PCYT1B: variants seen among roughly 807,000 people sequenced by gnomAD.
The protein encoded by PCYT1B is choline-phosphate cytidylyltransferase B.
A neutral mutation model predicts 26.4 loss-of-function variants in PCYT1B; 10 were observed. The ratio of observed to expected loss-of-function variants is 0.38; its 90% CI spans 0.23 to 0.64. The LOEUF is 0.64. PCYT1B is among the 30% of genes least tolerant of loss of function. The pLI is 0.56. For synonymous variants in PCYT1B, 131 were observed against 108.4 expected (o/e 1.21, Z -1.29); for missense variants, 161 against 292.7 (o/e 0.55, Z 3.28).
At chrX:24,668,568 T>C (rs768932522) in intron 1 of PCYT1B, among the ~76,000 whole-genome samples, 1 of 111,045 alleles carries the variant, frequency 9.0e-6, no homozygotes, top group South Asian at 3.8e-4. Flanking sequence ...GGAGTACCTT[T>C]TCCAGGGAAT....
At chrX:24,573,826 C>T (rs184623103) in intron 7 of PCYT1B, among the ~76,000 whole-genome samples, 85 of 110,808 alleles carry the variant, frequency 7.7e-4, no homozygotes, top group Non-Finnish European at 1.3e-3. Flanking sequence ...AAAAGGAGCC[C>T]AGCCCTTGGC....
upstream of PCYT1B, among the ~76,000 whole-genome samples, chrX:24,651,454 C>CAAAAAAAAA (rs1188690484): frequency 9.0e-5 from 1 of 11,068 alleles, no homozygotes; most frequent in Non-Finnish European, 1.8e-4. Flanking sequence ...GATGCCATCT[C>CAAAAAAAAA]AAAAAAAAAA....
chrX:24,558,709 G>A lies in PCYT1B; in HGVS notation c.*3584C>T, dbSNP rs1215816572. 2.8e-5 allele frequency: 3 copies of A among 108,006 alleles called. No individual in the cohort carries two copies. Among genetic ancestry groups the A allele is most frequent in the African/African-American group, 1.0e-4 (3 of 29,578 alleles). The allele number at this position is 108,006 out of a possible 1,213,427, so 8.9% of individuals were successfully genotyped here. On this transcript the variant is annotated 3_prime_UTR_variant, in exon 8 of 8. Coordinates refer to ENST00000379144, the MANE Select transcript of PCYT1B (RefSeq NM_004845.5). ...AGACCAGGTTAGAAGCCAGGCCAAT[G>A]TCTCACGTCCTGCTCCTCTTGAGCC...
intron 1 of PCYT1B, among the ~76,000 whole-genome samples, chrX:24,620,112 A>G (rs1056075967): frequency 4.4e-5 from 5 of 112,403 alleles, no homozygotes; most frequent in Admixed American, 3.8e-4. Context: ...ACAGGTTAAG[A>G]TGTGTTCCTT....
chrX:24,584,940 T>G lies in PCYT1B; in HGVS notation c.565+2301A>C, dbSNP rs140847319. Among the ~76,000 whole-genome samples, 983 of 111,940 alleles carry G rather than the reference T, an allele frequency of 8.8e-3. 9 individuals are homozygous for G. Among genetic ancestry groups the G allele is most frequent in the African/African-American group, 0.031 (942 of 30,860 alleles). On this transcript the variant is annotated intron_variant, in intron 5 of 7. Transcript: ENST00000379144. ...TTTGAGGAGTATAAAAAGGGTATTA[T>G]AAATCCCAGAAGTGTCTTTTGAACT...
At chrX:24,672,461 C>A in intron 1 of PCYT1B, 1 of 518,215 alleles carries the variant, frequency 1.9e-6, no homozygotes. Context: ...TTTAGTGTGA[C>A]TATTAATTAG....
At chrX:24,610,446 T>C (rs1925273401) in intron 2 of PCYT1B, among the ~76,000 whole-genome samples, 1 of 112,139 alleles carries the variant, frequency 8.9e-6, no homozygotes, top group African/African-American at 3.2e-5. Flanking sequence ...GAAAATGCTT[T>C]GAAATAACAA....
intron 1 of PCYT1B, 162 bp from the exon 2 acceptor site, chrX:24,619,246 G>A: frequency 2.3e-6 from 1 of 438,008 alleles, no homozygotes; most frequent in East Asian, 3.9e-5. Context: ...TAAAAATAGG[G>A]CATCATCACT....
chrX:24,596,820 C>A (rs780601287), intron 3 of PCYT1B, among the ~76,000 whole-genome samples: 26 of 111,280 alleles, frequency 2.3e-4, no homozygotes, highest in African/African-American at 8.2e-4. Flanking sequence ...TCGCTCCACC[C>A]AAGGGAACTC....
chrX:24,590,776 C>G (rs1161212928), intron 3 of PCYT1B, among the ~76,000 whole-genome samples: 1 of 104,100 alleles, frequency 9.6e-6, no homozygotes, highest in Non-Finnish European at 2.0e-5. Context: ...TAGAGTTCAT[C>G]CTTTCACATC....
chrX:24,663,495 G>A (rs112641394), intron 1 of PCYT1B, among the ~76,000 whole-genome samples: 1,477 of 112,570 alleles, frequency 0.013, 25 homozygotes, highest in African/African-American at 0.046. Flanking sequence ...TTTCAATACA[G>A]AAATGCAAAG....
intron 5 of PCYT1B, 85 bp downstream of exon 5, chrX:24,587,156 C>A: frequency 1.5e-6 from 1 of 649,804 alleles, no homozygotes. Flanking sequence ...GTATACACTG[C>A]AGATGTCCCA....
At position 24,560,962 on chromosome X, in the gene PCYT1B, G is replaced by A. The variant is rs1923391109; in HGVS notation, c.*1331C>T. The A allele has an allele frequency of 8.9e-6, 1 of 112,009 alleles. No homozygotes were observed. The highest frequency in any genetic ancestry group is 3.7e-4 in the South Asian group (1 of 2,672). 9.2% of individuals were successfully genotyped at this position (112,009 alleles called of 1,213,427 possible). The stretch of plus-strand genomic sequence containing the variant: ...AACACTTAGAGTCTTCATCCTACTT[G>A]GCAAACCTAGGGCCAGAGATAATGG... On this transcript the variant is annotated 3_prime_UTR_variant, in exon 8 of 8. Transcript: ENST00000379144.
At position 24,562,026 on chromosome X, in the gene PCYT1B, A is replaced by G. The variant is rs1923436047; in HGVS notation, c.*267T>C. ...TGCAAGTCTCTCTAGGGAACTCTGC[A>G]TCCTTCCTTAGCAAGGTTAGAGTGA... On this transcript the variant is annotated 3_prime_UTR_variant, in exon 8 of 8. Transcript: ENST00000379144. 2 of 1,123,822 alleles carry G rather than the reference A, an allele frequency of 1.8e-6. No homozygotes were observed. The highest frequency in any genetic ancestry group is 4.4e-5 in the Admixed American group (2 of 45,206). 92.6% of individuals were successfully genotyped at this position (1,123,822 alleles called of 1,213,427 possible).
chrX:24,577,449 G>T (rs1924058025), intron 6 of PCYT1B, among the ~76,000 whole-genome samples: 1 of 112,142 alleles, frequency 8.9e-6, no homozygotes, highest in Non-Finnish European at 1.9e-5. Flanking sequence ...TTAATTTATT[G>T]AAATAACCAG....
chrX:24,628,986 C>G (rs896510827), intron 1 of PCYT1B, among the ~76,000 whole-genome samples: 2 of 111,812 alleles, frequency 1.8e-5, no homozygotes, highest in Non-Finnish European at 3.8e-5. Flanking sequence ...CATTTATACT[C>G]ACATTACAAC....
chrX:24,648,449 A>ATTTTTTT (rs57744798), upstream of PCYT1B, among the ~76,000 whole-genome samples: 507 of 39,716 alleles, frequency 0.013, 108 homozygotes, highest in African/African-American at 0.058. Flanking sequence ...ATTTGAAGGA[A>ATTTTTTT]TTTTTTTTTT....
chrX:24,595,244 G>C (rs757402456), intron 3 of PCYT1B, among the ~76,000 whole-genome samples: 3 of 109,061 alleles, frequency 2.8e-5, no homozygotes, highest in African/African-American at 1.0e-4. Flanking sequence ...CAACTTGAGG[G>C]GTATTCTGGA....
chrX:24,651,473 ATATATATATATATATATAT>A (rs1458367721), upstream of PCYT1B, among the ~76,000 whole-genome samples: 4 of 28,065 alleles, frequency 1.4e-4, 1 homozygote, highest in Admixed American at 6.5e-4. Flanking sequence ...AAAAAAAAAA[ATATATATATATATATATAT>A]ATATATATAT....
Sources: allele counts gnomAD v4.1 joint callset (sites outside exome capture counted in the v4.1 genomes callset), GRCh38; gene constraint gnomAD v4.1.1; transcripts MANE v1.5; gene names NCBI Gene and HGNC (gene_info 2026-07-23, HGNC 2026-07-21).